KIF6: variants seen among roughly 807,000 people sequenced by gnomAD.
KIF6 encodes the protein kinesin-like protein KIF6.
KIF6 carries 106 observed loss-of-function variants against 112.7 expected under a neutral mutation model. That is an observed-to-expected ratio of 0.94 (90% CI 0.80 to 1.11). The LOEUF is 1.11. Among genes scored for constraint, KIF6 ranks in the 50% least tolerant of loss-of-function variants. The pLI is 0.00. For missense variants in KIF6, 929 were observed against 964.0 expected (o/e 0.96, Z 0.48); for synonymous variants, 339 against 339.9 (o/e 1.00, Z 0.03).
intron 13 of KIF6, among the ~76,000 whole-genome samples, chr6:39,538,544 C>G (rs1418090520): frequency 2.0e-5 from 3 of 151,960 alleles, no homozygotes; most frequent in South Asian, 2.1e-4. Flanking sequence ...TTAGAATGGC[C>G]ATCATTAAAA....
intron 3 of KIF6, among the ~76,000 whole-genome samples, chr6:39,660,926 G>A (rs1561907159): frequency 6.6e-6 from 1 of 152,148 alleles, no homozygotes; most frequent in Non-Finnish European, 1.5e-5. Context: ...GAGTCCCCAT[G>A]AAATCACCTT....
intron 14 of KIF6, among the ~76,000 whole-genome samples, chr6:39,428,332 A>G (rs6458114): frequency 0.19 from 29,658 of 152,154 alleles, 6,803 homozygotes; most frequent in African/African-American, 0.55. Context: ...TTTGGATGAG[A>G]CAGCTAGCTT....
At chr6:39,350,110 T>C (rs973297796) in intron 19 of KIF6, among the ~76,000 whole-genome samples, 1 of 152,206 alleles carries the variant, frequency 6.6e-6, no homozygotes, top group African/African-American at 2.4e-5. Flanking sequence ...CCTTAGAAGG[T>C]TGGCCTTTTA....
chr6:39,666,735 C>T (rs942586663), intron 3 of KIF6, among the ~76,000 whole-genome samples: 12 of 152,138 alleles, frequency 7.9e-5, no homozygotes, highest in Non-Finnish European at 1.5e-4. Context: ...GGGCAGAAGT[C>T]GTACATGATT....
chr6:39,495,198 G>C (rs897760501), intron 13 of KIF6, among the ~76,000 whole-genome samples: 5 of 152,222 alleles, frequency 3.3e-5, no homozygotes, highest in Non-Finnish European at 5.9e-5. Context: ...CACTGGTGGA[G>C]GGGTAACTGT....
At chr6:39,544,068 TC>T (rs765820495) in intron 12 of KIF6, among the ~76,000 whole-genome samples, 55 of 152,236 alleles carry the variant, frequency 3.6e-4, no homozygotes, top group Admixed American at 7.8e-4. Flanking sequence ...TCTCTGCTCT[TC>T]ATAAGCTAAA....
At chr6:39,542,994 C>T (rs931096317) in intron 12 of KIF6, among the ~76,000 whole-genome samples, 1 of 152,158 alleles carries the variant, frequency 6.6e-6, no homozygotes, top group Admixed American at 6.5e-5. Context: ...TCTAGGGTAA[C>T]CCCACATGAA....
intron 13 of KIF6, among the ~76,000 whole-genome samples, chr6:39,486,562 T>C (rs1355321974): frequency 1.3e-5 from 2 of 152,256 alleles, no homozygotes; most frequent in Non-Finnish European, 1.5e-5. Flanking sequence ...TGGAATAGTT[T>C]GTTATGCAAT....
intron 3 of KIF6, among the ~76,000 whole-genome samples, chr6:39,685,431 G>A (rs1167451392): frequency 1.3e-5 from 2 of 152,196 alleles, no homozygotes; most frequent in Non-Finnish European, 2.9e-5. Flanking sequence ...GAAGTATGAG[G>A]AAGCTGAAAG....
intron 5 of KIF6, among the ~76,000 whole-genome samples, chr6:39,621,263 A>G (rs1783806207): frequency 6.6e-6 from 1 of 152,150 alleles, no homozygotes; most frequent in Admixed American, 6.6e-5. Flanking sequence ...GTATCAATAT[A>G]TATCTGTTCC....
intron 10 of KIF6, among the ~76,000 whole-genome samples, chr6:39,546,522 C>G (rs922715710): frequency 2.0e-5 from 3 of 152,192 alleles, no homozygotes; most frequent in Admixed American, 6.5e-5. Context: ...CATCCAACCA[C>G]TCTATTCTAA....
intron 10 of KIF6, among the ~76,000 whole-genome samples, chr6:39,555,190 C>G (rs1186511632): frequency 1.3e-5 from 2 of 152,172 alleles, no homozygotes; most frequent in Non-Finnish European, 2.9e-5. Flanking sequence ...CTCTCCTTTT[C>G]TGGGGCTTTC....
intron 13 of KIF6, among the ~76,000 whole-genome samples, chr6:39,538,972 A>C (rs1169900603): frequency 6.6e-6 from 1 of 150,688 alleles, no homozygotes; most frequent in East Asian, 2.0e-4. Flanking sequence ...CAAGGACAAA[A>C]AACCAAACAC....
chr6:39,575,310 G>A (rs554722925), intron 10 of KIF6, among the ~76,000 whole-genome samples: 5 of 149,152 alleles, frequency 3.4e-5, no homozygotes, highest in African/African-American at 1.0e-4. Flanking sequence ...TCACTCTGTT[G>A]CCCAGGCCGG....
chr6:39,525,309 C>T (rs572832552), intron 13 of KIF6, among the ~76,000 whole-genome samples: 2 of 152,232 alleles, frequency 1.3e-5, no homozygotes, highest in African/African-American at 4.8e-5. Context: ...ATGCTTTGGC[C>T]TCCAAAAGTG....
Position 39,586,423 on chromosome 6 carries a change from A to AT in KIF6, c.847-20dup. On this transcript the variant is annotated intron_variant, in intron 7 of 22. Coordinates refer to ENST00000287152, the MANE Select transcript of KIF6 (RefSeq NM_145027.6). Reference sequence around the variant, plus strand: ...TGATAACCTGTGGTAAAGTAGAAAGATAATGGGATTAATTTAGCAAGAAAA... The same window carrying AT: ...TGATAACCTGTGGTAAAGTAGAAAGATTAATGGGATTAATTTAGCAAGAAAA... 6.2e-7 allele frequency: 1 copy of AT among 1,608,886 alleles called. No individual in the cohort carries two copies. The highest frequency in any genetic ancestry group is 8.5e-7 in the Non-Finnish European group (1 of 1,176,018).
At chr6:39,399,959 A>G (rs1163672141) in intron 15 of KIF6, among the ~76,000 whole-genome samples, 1 of 152,276 alleles carries the variant, frequency 6.6e-6, no homozygotes, top group Non-Finnish European at 1.5e-5. Flanking sequence ...AGCAGCCCCT[A>G]TAGCACGAGA....
intron 22 of KIF6, among the ~76,000 whole-genome samples, chr6:39,337,155 T>TTTTCCTTCCTTCCTTCCTTCC: frequency 1.9e-5 from 1 of 53,698 alleles, no homozygotes; most frequent in South Asian, 4.7e-4. Context: ...TTTCTCTTTC[T>TTTTCCTTCCTTCCTTCCTTCC]TTTCTTTCTT....
chr6:39,502,984 G>A (rs1372720938), intron 13 of KIF6, among the ~76,000 whole-genome samples: 2 of 152,126 alleles, frequency 1.3e-5, no homozygotes, highest in East Asian at 3.9e-4. Flanking sequence ...TCTGGATCTA[G>A]TGGACCTGAT....
Sources: allele counts gnomAD v4.1 joint callset (sites outside exome capture counted in the v4.1 genomes callset), GRCh38; gene constraint gnomAD v4.1.1; transcripts MANE v1.5; gene names NCBI Gene and HGNC (gene_info 2026-07-23, HGNC 2026-07-21).